Variants in CDK13 observed in about 807,000 individuals in gnomAD.
CDK13 encodes the protein cyclin dependent kinase 13, also known as cyclin-dependent kinase 13.
A neutral mutation model predicts 137.6 loss-of-function variants in CDK13; 40 were observed. The ratio of observed to expected loss-of-function variants is 0.29; its 90% confidence interval spans 0.23 to 0.38. CDK13 has a LOEUF of 0.38. Among genes scored for constraint, CDK13 ranks in the 10% least tolerant of loss-of-function variants. The pLI, the probability that CDK13 is intolerant of heterozygous loss-of-function variation, is 1.00. For missense variants in CDK13, 1,704 were observed against 1,951.8 expected (o/e 0.87, Z 2.39); for synonymous variants, 869 against 760.1 (o/e 1.14, Z -2.36).
chr7:40,039,028 T>TG (rs1212393296), intron 5 of CDK13, among the ~76,000 whole-genome samples: 1 of 152,158 alleles, frequency 6.6e-6, no homozygotes, highest in African/African-American at 2.4e-5. Context: ...TTAAGCTACT[T>TG]TGCATTCACT....
intron 1 of CDK13, among the ~76,000 whole-genome samples, chr7:39,979,368 C>T (rs1159454633): frequency 6.6e-6 from 1 of 152,002 alleles, no homozygotes; most frequent in Non-Finnish European, 1.5e-5. Context: ...AGGCATGCGC[C>T]ACCACACCCG....
At chr7:40,086,050 A>C (rs1786780887) in intron 11 of CDK13, among the ~76,000 whole-genome samples, 1 of 152,162 alleles carries the variant, frequency 6.6e-6, no homozygotes, top group African/African-American at 2.4e-5. Flanking sequence ...ATATGTACTC[A>C]TAAAAGGTTA....
At chr7:39,979,223 T>C (rs1288273776) in intron 1 of CDK13, among the ~76,000 whole-genome samples, 3 of 148,184 alleles carry the variant, frequency 2.0e-5, no homozygotes, top group African/African-American at 7.7e-5. Context: ...TTTCTTTTTT[T>C]TTTTTTTTTG....
At chr7:39,974,301 A>G (rs1784059319) in intron 1 of CDK13, among the ~76,000 whole-genome samples, 1 of 152,054 alleles carries the variant, frequency 6.6e-6, no homozygotes, top group Non-Finnish European at 1.5e-5. Context: ...CCTAGGCTCA[A>G]GCGCTCCTCC....
chr7:40,086,979 A>C (rs1786802066), intron 11 of CDK13, among the ~76,000 whole-genome samples: 1 of 151,466 alleles, frequency 6.6e-6, no homozygotes, highest in African/African-American at 2.4e-5. Flanking sequence ...TGACTGGCTA[A>C]TTTTTTTATA....
chr7:39,975,359 C>T (rs1784083961), intron 1 of CDK13, among the ~76,000 whole-genome samples: 1 of 152,044 alleles, frequency 6.6e-6, no homozygotes, highest in Non-Finnish European at 1.5e-5. Flanking sequence ...CTGCAGTGAG[C>T]CAAGATTGCA....
At chr7:40,009,646 T>G (rs770584250) in intron 5 of CDK13, among the ~76,000 whole-genome samples, 30 of 152,230 alleles carry the variant, frequency 2.0e-4, no homozygotes, top group Non-Finnish European at 3.2e-4. Context: ...GGAATTGAAT[T>G]GATAGACCGA....
chr7:40,003,206 A>ACACT (rs374470130), intron 5 of CDK13, among the ~76,000 whole-genome samples: 149 of 79,892 alleles, frequency 1.9e-3, no homozygotes, highest in East Asian at 9.1e-3. Context: ...ACACACACAC[A>ACACT]CTCTCTCTCT....
At chr7:40,005,123 G>A (rs1298914180) in intron 5 of CDK13, among the ~76,000 whole-genome samples, 3 of 149,870 alleles carry the variant, frequency 2.0e-5, no homozygotes, top group South Asian at 4.2e-4. Flanking sequence ...GCAGTGAGCC[G>A]AGATTGCACC....
chr7:40,066,067 C>T (rs1461911603), intron 9 of CDK13, among the ~76,000 whole-genome samples: 1 of 152,040 alleles, frequency 6.6e-6, no homozygotes, highest in African/African-American at 2.4e-5. Context: ...ATTAGCTAGT[C>T]ATTGGAGGGT....
Position 39,951,744 on chromosome 7 carries a change from C to A in CDK13, c.1103C>A (p.Pro368His). ...SPSPYSRRRS[P>H]SYSRHSSYER... ...AGCCCCTACAGTCGCCGCCGCTCCC[C>A]CAGCTACAGCCGCCACAGCTCCTAC... The change falls in exon 1 of 14, where the codon CCC becomes CAC. Residue 368 changes from proline to histidine, a missense_variant. Pro to His is a moderately conservative substitution (Grantham distance 77). Around this residue, in one of 5 missense-constraint regions of CDK13, gnomAD observed 1,051 missense variants for 931.0 expected, o/e 1.13. Coordinates refer to ENST00000181839, the MANE Select transcript of CDK13 (RefSeq NM_003718.5). The A allele has an allele frequency of 6.7e-7, 1 of 1,494,396 alleles. No individual in the cohort carries two copies. The highest frequency in any genetic ancestry group is 8.8e-7 in the Non-Finnish European group (1 of 1,133,560). The allele number at this position is 1,494,396 out of a possible 1,614,324, so 92.6% of individuals were successfully genotyped here.
intron 9 of CDK13, chr7:40,073,597 T>TC (rs1440173630): frequency 6.6e-6 from 1 of 151,212 alleles, no homozygotes; most frequent in Non-Finnish European, 1.5e-5. Context: ...TTTCTTTCTT[T>TC]TTTTTTTTTA....
chr7:40,042,784 C>CT (rs35787046), intron 5 of CDK13, among the ~76,000 whole-genome samples: 38,602 of 143,916 alleles, frequency 0.27, 6,094 homozygotes, highest in Middle Eastern at 0.45. Flanking sequence ...TCCAGCCCTC[C>CT]TTTTTTTTTT....
intron 5 of CDK13, among the ~76,000 whole-genome samples, chr7:40,040,574 T>C (rs1404931081): frequency 6.6e-6 from 1 of 152,224 alleles, no homozygotes; most frequent in Non-Finnish European, 1.5e-5. Flanking sequence ...CTGTGTCTAA[T>C]TTATAAACTA....
rs1318084935 is a variant in CDK13, at chr7:39,951,408, G to A, written c.767G>A (p.Gly256Asp). Reference sequence around the variant, plus strand: ...AGCGGCAGCAGCAGCAGCAGCGGCGGCCGCCGGAAAAGCGCTTCGGCCACA... The same window carrying A: ...AGCGGCAGCAGCAGCAGCAGCGGCGACCGCCGGAAAAGCGCTTCGGCCACA... ...AKSGSSSSSG[G>D]RRKSASATSS... Residue 256 changes from glycine to aspartate, a missense_variant, in exon 1 of 14, where the codon GGC becomes GAC. Coordinates refer to ENST00000181839, the MANE Select transcript of CDK13 (RefSeq NM_003718.5). The A allele has an allele frequency of 3.3e-6, 5 of 1,525,504 alleles. No homozygotes were observed. Among genetic ancestry groups the A allele is most frequent in the Non-Finnish European group, 4.4e-6 (5 of 1,138,972 alleles). The allele number at this position is 1,525,504 out of a possible 1,614,324, so 94.5% of individuals were successfully genotyped here.
intron 13 of CDK13, among the ~76,000 whole-genome samples, chr7:40,093,613 A>G (rs1289332266): frequency 6.6e-6 from 1 of 152,192 alleles, no homozygotes; most frequent in East Asian, 1.9e-4. Flanking sequence ...AGCTTTAAAA[A>G]GCCAATTACG....
intron 5 of CDK13, among the ~76,000 whole-genome samples, chr7:40,020,536 T>C (rs1403842811): frequency 1.3e-5 from 2 of 152,222 alleles, no homozygotes; most frequent in African/African-American, 4.8e-5. Flanking sequence ...ACTGGCATGC[T>C]ACTCCTAAAA....
rs560892212 is a variant in CDK13, at chr7:40,063,343, G to A, written c.2780+243G>A. ...TGTACATGCGTGCGTGCATGTGTGC[G>A]TTTTTTTAAGTCAAAGGACTTGAGG... On this transcript the variant is annotated intron_variant, in intron 9 of 13. Coordinates refer to ENST00000181839, the MANE Select transcript of CDK13 (RefSeq NM_003718.5). 4.6e-5 allele frequency among the ~76,000 whole-genome samples: 7 copies of A among 152,226 alleles called. No homozygotes were observed. In the East Asian group the frequency reaches 9.7e-4, roughly 21 times the overall value.
At chr7:40,016,381 T>G (rs1041713855) in intron 5 of CDK13, among the ~76,000 whole-genome samples, 9 of 152,210 alleles carry the variant, frequency 5.9e-5, no homozygotes, top group African/African-American at 2.2e-4. Context: ...GTGAAGTATT[T>G]TCACCATTCT....
Sources: allele counts gnomAD v4.1 joint callset (sites outside exome capture counted in the v4.1 genomes callset), GRCh38; gene constraint gnomAD v4.1.1; regional missense constraint gnomAD v4.1.1; transcripts MANE v1.5; gene names NCBI Gene and HGNC (gene_info 2026-07-23, HGNC 2026-07-21).